NRXN1: variants seen among roughly 807,000 people sequenced by gnomAD.
The protein encoded by NRXN1 is neurexin-1.
Under a neutral mutation model 150.9 loss-of-function variants are expected in NRXN1, and 39 were observed. The ratio of observed to expected loss-of-function variants is 0.26; its 90% CI spans 0.20 to 0.34. NRXN1 has a LOEUF of 0.34. NRXN1 is among the 10% of genes least tolerant of loss of function. The probability of loss-of-function intolerance (pLI) is 1.00; values close to 1 mark genes in which losing one functional copy is unlikely to be tolerated. For missense variants in NRXN1, 1,815 were observed against 1,949.9 expected, an observed-to-expected ratio of 0.93 and a Z score of 1.30; for synonymous variants, 924 against 757.0, an observed-to-expected ratio of 1.22 and a Z score of -3.62.
intron 5 of NRXN1, among the ~76,000 whole-genome samples, chr2:50,749,874 A>AT (rs1394222275): frequency 6.6e-6 from 1 of 152,220 alleles, no homozygotes; most frequent in Non-Finnish European, 1.5e-5. Flanking sequence ...GGAAATGGAG[A>AT]TATCTTAACT....
intron 5 of NRXN1, among the ~76,000 whole-genome samples, chr2:50,860,286 C>G (rs1675935496): frequency 6.6e-6 from 1 of 151,848 alleles, no homozygotes; most frequent in African/African-American, 2.4e-5. Flanking sequence ...AGGTATGTCA[C>G]TTATCTTTCT....
At chr2:50,442,257 C>A (rs978074984) in intron 17 of NRXN1, among the ~76,000 whole-genome samples, 2 of 152,106 alleles carry the variant, frequency 1.3e-5, no homozygotes, top group Non-Finnish European at 2.9e-5. Flanking sequence ...CCATGCCTAG[C>A]ACATAGTGGT....
chr2:50,831,695 C>CACCT (rs1384171372), intron 5 of NRXN1, among the ~76,000 whole-genome samples: 6 of 152,178 alleles, frequency 3.9e-5, no homozygotes, highest in African/African-American at 1.2e-4. Flanking sequence ...ATGGACGTTA[C>CACCT]ACCTACCCTC....
At chr2:50,839,731 T>G (rs68157830) in intron 5 of NRXN1, among the ~76,000 whole-genome samples, 1 of 151,960 alleles carries the variant, frequency 6.6e-6, no homozygotes, top group Admixed American at 6.6e-5. Context: ...CACATAAGAA[T>G]GCTTGTCATT....
chr2:50,198,242 A>G (rs530128215), intron 18 of NRXN1, among the ~76,000 whole-genome samples: 4 of 152,150 alleles, frequency 2.6e-5, no homozygotes, highest in Non-Finnish European at 5.9e-5. Flanking sequence ...GCAAACTTAG[A>G]TTGTTAGGAA....
rs148607748 is a variant in NRXN1, at chr2:50,354,535, T to A, written c.3364+110907A>T. Among the ~76,000 whole-genome samples, 800 of 133,922 alleles carry A rather than the reference T, an allele frequency of 6.0e-3. 6 individuals are homozygous for A. The highest frequency in any genetic ancestry group is 9.9e-3 in the Non-Finnish European group (633 of 64,022). 87.9% of individuals were successfully genotyped at this position (133,922 alleles called of 152,430 possible). ...TGTGTGTATCTATATATACACTACCTTAGCGTCTAGAGTGCATACATATAT... is the reference window on the plus strand; with the variant it reads ...TGTGTGTATCTATATATACACTACCATAGCGTCTAGAGTGCATACATATAT... On this transcript the variant is annotated intron_variant, in intron 17 of 22. Transcript: ENST00000401669.
intron 5 of NRXN1, among the ~76,000 whole-genome samples, chr2:50,711,783 A>G (rs1695196201): frequency 6.6e-6 from 1 of 152,166 alleles, no homozygotes; most frequent in African/African-American, 2.4e-5. Context: ...GAACTCTCAT[A>G]AAGGAATTAG....
At chr2:50,273,240 A>G (rs1409278717) in intron 17 of NRXN1, among the ~76,000 whole-genome samples, 1 of 152,194 alleles carries the variant, frequency 6.6e-6, no homozygotes, top group African/African-American at 2.4e-5. Context: ...TGAAAACTGC[A>G]CAACATTTTC....
At chr2:49,991,706 C>T (rs1421811296) in intron 21 of NRXN1, among the ~76,000 whole-genome samples, 1 of 152,060 alleles carries the variant, frequency 6.6e-6, no homozygotes, top group Non-Finnish European at 1.5e-5. Flanking sequence ...CAATCAAAAT[C>T]CTGGCAAGTT....
chr2:50,013,496 T>G (rs896433906), intron 21 of NRXN1, among the ~76,000 whole-genome samples: 3 of 152,132 alleles, frequency 2.0e-5, no homozygotes, highest in African/African-American at 7.2e-5. Flanking sequence ...TGGTTTATTA[T>G]GCTTTAGCAC....
intron 8 of NRXN1, among the ~76,000 whole-genome samples, chr2:50,583,399 C>G (rs1558971727): frequency 6.6e-6 from 1 of 152,106 alleles, no homozygotes; most frequent in Non-Finnish European, 1.5e-5. Flanking sequence ...TACATCAAAG[C>G]TAAAAACCGT....
intron 5 of NRXN1, among the ~76,000 whole-genome samples, chr2:50,865,670 T>TTTTTTTTTTTTTTG (rs1676817614): frequency 7.5e-6 from 1 of 134,038 alleles, no homozygotes; most frequent in Non-Finnish European, 1.6e-5. Context: ...TTTTTTTTTT[T>TTTTTTTTTTTTTTG]TTTTTTTTTT....
At chr2:50,891,000 C>T (rs1680966266) in intron 5 of NRXN1, among the ~76,000 whole-genome samples, 1 of 151,860 alleles carries the variant, frequency 6.6e-6, no homozygotes, top group African/African-American at 2.4e-5. Flanking sequence ...TTAGTGAAAA[C>T]AAAGCACATG....
At chr2:49,969,556 T>C (rs909152059) in intron 21 of NRXN1, 1 of 152,084 alleles carries the variant, frequency 6.6e-6, no homozygotes, top group Non-Finnish European at 1.5e-5. Context: ...TATAAATACA[T>C]TTTATTACAT....
chr2:50,939,731 A>C (rs1042828023), intron 2 of NRXN1, among the ~76,000 whole-genome samples: 1 of 152,222 alleles, frequency 6.6e-6, no homozygotes, highest in Non-Finnish European at 1.5e-5. Flanking sequence ...AATTAAAACA[A>C]TTCAAAATAA....
intron 18 of NRXN1, among the ~76,000 whole-genome samples, chr2:50,114,594 T>G (rs895899508): frequency 2.0e-5 from 3 of 152,110 alleles, no homozygotes; most frequent in Non-Finnish European, 2.9e-5. Context: ...TTGCCAAAAC[T>G]TATAGGCAAC....
chr2:50,624,094 G>GT (rs1249920025), intron 5 of NRXN1, among the ~76,000 whole-genome samples: 1 of 152,032 alleles, frequency 6.6e-6, no homozygotes, highest in Non-Finnish European at 1.5e-5. Flanking sequence ...TTCATCACAC[G>GT]TATGTTTATT....
At chr2:50,055,121 G>T in intron 19 of NRXN1, 77 bp from the exon 20 acceptor site, 1 of 939,072 alleles carries the variant, frequency 1.1e-6, no homozygotes, top group Non-Finnish European at 1.6e-6. Flanking sequence ...TAAAGATTGA[G>T]CTATACAGTT....
intron 15 of NRXN1, among the ~76,000 whole-genome samples, chr2:50,480,929 T>C (rs1004342375): frequency 1.3e-5 from 2 of 152,202 alleles, no homozygotes; most frequent in South Asian, 2.1e-4. Context: ...AAAACAGCTC[T>C]GACTTCATCA....
Sources: allele counts gnomAD v4.1 joint callset (sites outside exome capture counted in the v4.1 genomes callset), GRCh38; gene constraint gnomAD v4.1.1; transcripts MANE v1.5; gene names NCBI Gene and HGNC (gene_info 2026-07-23, HGNC 2026-07-21).